Variants in DCT observed in about 807,000 individuals in gnomAD.
The protein encoded by DCT is dopachrome tautomerase.
Under a neutral mutation model 53.0 loss-of-function variants are expected in DCT, and 47 were observed. The ratio of observed to expected loss-of-function variants is 0.89; its 90% CI spans 0.70 to 1.13. DCT has a LOEUF of 1.13. Ranked by LOEUF, DCT falls within the 50% of genes most tolerant of loss-of-function variation. The pLI, the probability that DCT is intolerant of heterozygous loss-of-function variation, is 0.00. For missense variants in DCT, 669 were observed against 637.4 expected (o/e 1.05, Z -0.53); for synonymous variants, 244 against 237.0 (o/e 1.03, Z -0.27).
the DCT span, among the ~76,000 whole-genome samples, chr13:94,511,906 C>T: frequency 6.6e-6 from 1 of 151,926 alleles, no homozygotes; most frequent in East Asian, 1.9e-4. Context: ...CTCTGTCGCT[C>T]AGGCTGGAGA....
the DCT span, among the ~76,000 whole-genome samples, chr13:94,504,594 C>G: frequency 1.3e-5 from 2 of 152,116 alleles, no homozygotes. Flanking sequence ...GTCTCGAACT[C>G]CTGATCTCAG....
chr13:94,521,694 CA>C, the DCT span, among the ~76,000 whole-genome samples: 45,739 of 151,258 alleles, frequency 0.3, 7,441 homozygotes, highest in East Asian at 0.61. Context: ...CAAAAACAAA[CA>C]AAAAAAAACC....
chr13:94,484,924 G>A, the DCT span, among the ~76,000 whole-genome samples: 1 of 152,150 alleles, frequency 6.6e-6, no homozygotes, highest in Non-Finnish European at 1.5e-5. Flanking sequence ...TTTTGCCTCT[G>A]TCCAATGTTG....
intron 6 of DCT, among the ~76,000 whole-genome samples, chr13:94,454,454 T>C (rs1430186705): frequency 2.6e-5 from 4 of 152,192 alleles, no homozygotes; most frequent in African/African-American, 4.8e-5. Flanking sequence ...CTGGATTATA[T>C]CTAAATTTAA....
Position 94,465,627 on chromosome 13 carries a change from C to CATTACCT in DCT, c.862_863+5dup. ...TGGATGCCATTGCAGGTACAGGAGC[C>CATTACCT]ATTACCTATCACAGACAGTTTCCCA... On this transcript the variant is annotated splice_donor_region_variant and intron_variant, in intron 4 of 7. Transcript: ENST00000377028. 1 of 1,612,694 alleles carries CATTACCT rather than the reference C, an allele frequency of 6.2e-7. No individual in the cohort carries two copies.
the DCT span, among the ~76,000 whole-genome samples, chr13:94,512,459 A>G: frequency 1.7e-4 from 26 of 152,320 alleles, no homozygotes; most frequent in Non-Finnish European, 2.5e-4. Flanking sequence ...TTATTAAAGG[A>G]AGAGTTGTTC....
upstream of DCT, among the ~76,000 whole-genome samples, chr13:94,483,998 C>A (rs1228088210): frequency 1.3e-5 from 2 of 152,184 alleles, no homozygotes; most frequent in Non-Finnish European, 2.9e-5. Flanking sequence ...ATTTTGTCTA[C>A]ATCCACTCAG....
chr13:94,543,536 A>G, the DCT span, among the ~76,000 whole-genome samples: 2 of 152,120 alleles, frequency 1.3e-5, no homozygotes, highest in Non-Finnish European at 2.9e-5. Context: ...TCTAATAGAA[A>G]TCTCTCCTGC....
At chr13:94,527,907 T>C in the DCT span, among the ~76,000 whole-genome samples, 1 of 152,134 alleles carries the variant, frequency 6.6e-6, no homozygotes, top group Non-Finnish European at 1.5e-5. Context: ...GTTAGATGAA[T>C]GGCTAGCTAG....
chr13:94,509,496 T>A, the DCT span, among the ~76,000 whole-genome samples: 1 of 149,460 alleles, frequency 6.7e-6, no homozygotes, highest in Non-Finnish European at 1.5e-5. Context: ...GTAAAGCCAG[T>A]GTGTGATTTT....
At chr13:94,537,066 T>G in the DCT span, among the ~76,000 whole-genome samples, 1 of 152,228 alleles carries the variant, frequency 6.6e-6, no homozygotes, top group African/African-American at 2.4e-5. Flanking sequence ...AATTTCCCAG[T>G]GTCACGTGTT....
the DCT span, among the ~76,000 whole-genome samples, chr13:94,495,484 C>T: frequency 9.2e-5 from 14 of 152,214 alleles, no homozygotes; most frequent in Non-Finnish European, 1.9e-4. Context: ...AAAAGCAGAG[C>T]GCCCAAGACA....
the DCT span, among the ~76,000 whole-genome samples, chr13:94,538,691 C>T: frequency 6.6e-6 from 1 of 152,172 alleles, no homozygotes; most frequent in African/African-American, 2.4e-5. Flanking sequence ...CACTGCCCAT[C>T]ACAAATACAA....
At chr13:94,535,396 T>C in the DCT span, among the ~76,000 whole-genome samples, 3 of 152,178 alleles carry the variant, frequency 2.0e-5, no homozygotes, top group Non-Finnish European at 2.9e-5. Context: ...GGCAATAATA[T>C]GGAGAAATGA....
intron 1 of DCT, among the ~76,000 whole-genome samples, chr13:94,477,716 C>T (rs1885188400): frequency 6.6e-6 from 1 of 152,130 alleles, no homozygotes; most frequent in Admixed American, 6.5e-5. Context: ...TTGTATGTTC[C>T]CTTAGTAATA....
At chr13:94,519,002 T>A in the DCT span, among the ~76,000 whole-genome samples, 14,672 of 152,156 alleles carry the variant, frequency 0.096, 1,678 homozygotes, top group African/African-American at 0.27. Flanking sequence ...TTTGAATGGA[T>A]TGTTCTTTCT....
the DCT span, among the ~76,000 whole-genome samples, chr13:94,511,238 A>G: frequency 6.6e-6 from 1 of 152,052 alleles, no homozygotes; most frequent in Admixed American, 6.6e-5. Flanking sequence ...CTCCAGCTAC[A>G]TTGAACTGCT....
intron 1 of DCT, among the ~76,000 whole-genome samples, chr13:94,476,215 G>T (rs2139374150): frequency 7.8e-6 from 1 of 127,892 alleles, no homozygotes; most frequent in African/African-American, 3.0e-5. Flanking sequence ...TTTGAAGGTA[G>T]GTCTCCATGA....
At chr13:94,518,744 T>C in the DCT span, among the ~76,000 whole-genome samples, 7 of 152,358 alleles carry the variant, frequency 4.6e-5, no homozygotes, top group East Asian at 1.3e-3. Flanking sequence ...AAAATACAAG[T>C]TTAATCATTT....
Sources: gnomAD v4.1 joint callset for allele counts (sites outside exome capture counted in the v4.1 genomes callset) on GRCh38, gnomAD v4.1.1 for gene constraint, MANE v1.5 for transcripts, NCBI Gene and HGNC (gene_info 2026-07-23, HGNC 2026-07-21) for gene names.